The following PDE7B variants were observed in gnomAD, a reference collection of about 807,000 sequenced individuals.
The protein encoded by PDE7B is phosphodiesterase 7B, also known as 3',5'-cyclic-AMP phosphodiesterase 7B.
A neutral mutation model predicts 56.2 loss-of-function variants in PDE7B; 29 were observed. The observed-to-expected ratio is 0.52, with a 90% CI of 0.38 to 0.70. The LOEUF (loss-of-function observed/expected upper bound fraction) is 0.70. Among genes scored for constraint, PDE7B ranks in the 30% least tolerant of loss-of-function variants. The pLI, the probability that PDE7B is intolerant of heterozygous loss-of-function variation, is 0.00. For synonymous variants in PDE7B, 197 were observed against 196.9 expected, an observed-to-expected ratio of 1.00 and a Z score of 0.00; for missense variants, 490 against 565.0, an observed-to-expected ratio of 0.87 and a Z score of 1.35.
intron 8 of PDE7B, among the ~76,000 whole-genome samples, chr6:136,169,908 A>G (rs1778852714): frequency 6.6e-6 from 1 of 152,210 alleles, no homozygotes; most frequent in Non-Finnish European, 1.5e-5. Context: ...AATAAAGAAT[A>G]ATGACTCCTT....
chr6:136,039,511 T>G (rs1312175672), intron 2 of PDE7B, among the ~76,000 whole-genome samples: 1 of 151,962 alleles, frequency 6.6e-6, no homozygotes, highest in Non-Finnish European at 1.5e-5. Context: ...GGAAACAGAG[T>G]AGGAAATAAA....
At chr6:136,161,424 C>T (rs1778702594) in intron 8 of PDE7B, among the ~76,000 whole-genome samples, 1 of 152,138 alleles carries the variant, frequency 6.6e-6, no homozygotes, top group South Asian at 2.1e-4. Context: ...GCTTCTCCTG[C>T]TTATTATTGC....
intron 2 of PDE7B, among the ~76,000 whole-genome samples, chr6:136,103,523 G>T (rs1014193337): frequency 6.6e-6 from 1 of 152,182 alleles, no homozygotes; most frequent in Non-Finnish European, 1.5e-5. Context: ...TTGGGATCTG[G>T]ATTTTCTCTG....
At chr6:136,109,688 T>A (rs1777710799) in intron 3 of PDE7B, among the ~76,000 whole-genome samples, 1 of 152,216 alleles carries the variant, frequency 6.6e-6, no homozygotes, top group South Asian at 2.1e-4. Context: ...GTAGTTTTGC[T>A]CAACCTTTGG....
intron 2 of PDE7B, among the ~76,000 whole-genome samples, chr6:136,074,735 A>C (rs1193228736): frequency 2.0e-5 from 3 of 152,160 alleles, no homozygotes; most frequent in African/African-American, 7.2e-5. Flanking sequence ...GAGTGAATCC[A>C]TATTGTTGCA....
chr6:136,191,827 G>A lies in PDE7B; in HGVS notation c.1340G>A (p.Gly447Asp). ...GGGACTGAGAGCGAGGAGCAGGAAG[G>A]CGACAGCCCCTAGGGGCCGGCCCAA... Reference protein sequence around the residue: ...GQGTESEEQEGDSP With the variant: ...GQGTESEEQEDDSP Residue 447 changes from glycine (G) to aspartate (D), a missense_variant, in exon 13 of 13, where the codon GGC becomes GAC. Coordinates refer to ENST00000308191, the MANE Select transcript of PDE7B (RefSeq NM_018945.4). 1 of 1,551,078 alleles carries A rather than the reference G, an allele frequency of 6.4e-7. No individual in the cohort carries two copies. Among genetic ancestry groups the A allele is most frequent in the Non-Finnish European group, 8.7e-7 (1 of 1,147,786 alleles).
chr6:135,887,133 T>C (rs1775723335), intron 1 of PDE7B, among the ~76,000 whole-genome samples: 1 of 152,188 alleles, frequency 6.6e-6, no homozygotes, highest in Non-Finnish European at 1.5e-5. Flanking sequence ...TGAGCATTTT[T>C]TCATATGTTT....
chr6:136,028,840 T>C (rs1320000809), intron 2 of PDE7B, among the ~76,000 whole-genome samples: 5 of 152,250 alleles, frequency 3.3e-5, no homozygotes, highest in Non-Finnish European at 5.9e-5. Context: ...TCCTTTGCCA[T>C]GTAACCTAAC....
intron 2 of PDE7B, chr6:136,037,987 T>A: frequency 3.2e-6 from 4 of 1,243,440 alleles, no homozygotes; most frequent in Non-Finnish European, 4.1e-6. Context: ...ATGCATTCTA[T>A]CTCTAAGGAA....
chr6:135,962,346 G>A (rs1262525039), intron 2 of PDE7B, among the ~76,000 whole-genome samples: 4 of 152,058 alleles, frequency 2.6e-5, no homozygotes, highest in Admixed American at 6.6e-5. Flanking sequence ...GTTTCTCTCA[G>A]TATTGGGTAT....
chr6:135,973,066 G>T (rs1775121009), intron 2 of PDE7B, among the ~76,000 whole-genome samples: 1 of 152,168 alleles, frequency 6.6e-6, no homozygotes, highest in East Asian at 1.9e-4. Context: ...TTTTACAGCA[G>T]ATATCTAGAG....
intron 1 of PDE7B, among the ~76,000 whole-genome samples, chr6:135,876,857 T>C (rs564421639): frequency 7.0e-6 from 1 of 142,028 alleles, no homozygotes; most frequent in East Asian, 1.9e-4. Flanking sequence ...AGACTCTGTG[T>C]CAAAAAAAAA....
intron 3 of PDE7B, chr6:136,112,485 A>G (rs1390526523): frequency 1.3e-5 from 2 of 152,256 alleles, no homozygotes; most frequent in Admixed American, 6.5e-5. Context: ...AAACCCCAAA[A>G]TACTCACCCT....
chr6:136,053,845 C>T (rs954600722), intron 2 of PDE7B, among the ~76,000 whole-genome samples: 16 of 152,220 alleles, frequency 1.1e-4, no homozygotes, highest in Non-Finnish European at 1.9e-4. Flanking sequence ...TTTTTGGCTG[C>T]ACAAATGTCT....
rs1336916338 is a variant in PDE7B at position 135,934,953 on chromosome 6, TA to T, written c.22-12510del. 3.7e-3 allele frequency among the ~76,000 whole-genome samples: 191 copies of T among 51,490 alleles called. 4 individuals are homozygous for T. The highest frequency in any genetic ancestry group is 5.3e-3 in the Non-Finnish European group (132 of 24,888). 33.8% of individuals were successfully genotyped at this position (51,490 alleles called of 152,430 possible). On this transcript the variant is annotated intron_variant, in intron 1 of 12. Transcript: ENST00000308191. ...TATTTAAATATATAATATATATTTA[TA>T]TATAATATATATATTTCTCTATATA...
chr6:136,141,741 A>G (rs1176701683), intron 3 of PDE7B, among the ~76,000 whole-genome samples: 4 of 152,124 alleles, frequency 2.6e-5, no homozygotes, highest in Non-Finnish European at 4.4e-5. Context: ...TAGATTTTCT[A>G]GTTTATTTGC....
chr6:136,071,182 T>C (rs1203084271), intron 2 of PDE7B: 3 of 152,220 alleles, frequency 2.0e-5, no homozygotes, highest in East Asian at 1.9e-4. Context: ...GTATTTCAGT[T>C]ACAGGCACTC....
chr6:135,951,445 A>C (rs1329107558), intron 2 of PDE7B, among the ~76,000 whole-genome samples: 2 of 152,224 alleles, frequency 1.3e-5, no homozygotes, highest in Non-Finnish European at 2.9e-5. Flanking sequence ...TTTCAAAAGC[A>C]TAATGAAAAC....
intron 2 of PDE7B, among the ~76,000 whole-genome samples, 182 bp from the exon 3 acceptor site, chr6:136,108,549 G>A (rs868327861): frequency 7.2e-5 from 11 of 152,102 alleles, no homozygotes; most frequent in African/African-American, 2.4e-4. Context: ...CCTTGTTAGT[G>A]TATTGCCAAC....
Sources: allele counts gnomAD v4.1 joint callset (sites outside exome capture counted in the v4.1 genomes callset), GRCh38; gene constraint gnomAD v4.1.1; transcripts MANE v1.5; gene names NCBI Gene and HGNC (gene_info 2026-07-23, HGNC 2026-07-21).